Variants in RYR2 observed in about 807,000 individuals in gnomAD.
RYR2 encodes ryanodine receptor 2.
Under a neutral mutation model 601.1 loss-of-function variants are expected in RYR2, and 227 were observed. The observed-to-expected ratio is 0.38, with a 90% CI of 0.34 to 0.42. RYR2 has a LOEUF of 0.42. Among genes scored for constraint, RYR2 ranks in the 10% least tolerant of loss-of-function variants. RYR2 has a pLI of 1.00. For missense variants in RYR2, 4,646 were observed against 6,156.5 expected, an observed-to-expected ratio of 0.75 and a Z score of 8.21; for synonymous variants, 2,223 against 2,175.1, an observed-to-expected ratio of 1.02 and a Z score of -0.61.
At chr1:237,313,342 AT>A (rs1694766170) in intron 2 of RYR2, among the ~76,000 whole-genome samples, 1 of 152,026 alleles carries the variant, frequency 6.6e-6, no homozygotes, top group Non-Finnish European at 1.5e-5. Context: ...TTTTGGGGAG[AT>A]TTTCCTTGAT....
At position 237,791,434 on chromosome 1, in the gene RYR2, T is replaced by C. The variant is rs886046279; in HGVS notation, c.13482T>C (p.Tyr4494=). The change falls in exon 93 of 105, where the codon TAT becomes TAC. Residue 4494 remains tyrosine (Y), a synonymous_variant. Transcript: ENST00000366574. ...IIAYQQKLLN[Y]FARNFYNMRM... ...ATAATGTTTTTCACCCTCAGAACTA[T>C]TTTGCTCGCAACTTTTACAACATGA... The C allele has an allele frequency of 3.2e-6, 5 of 1,558,056 alleles. No individual in the cohort carries two copies. In the African/African-American group the frequency reaches 4.0e-5, roughly 13 times the overall value.
At chr1:237,101,245 T>C (rs768850904) in intron 1 of RYR2, among the ~76,000 whole-genome samples, 2 of 149,062 alleles carry the variant, frequency 1.3e-5, no homozygotes, top group Non-Finnish European at 3.0e-5. Flanking sequence ...GGCTCATCCT[T>C]GGATGCCAAC....
Position 237,705,288 on chromosome 1 carries a change from G to T in RYR2, c.9525G>T (p.Leu3175=). Reference sequence around the variant, plus strand: ...CTGTAGCATTTTTGGAAACTCATCTGGACAAACATAATATTTACTCCATCT... The same window carrying T: ...CTGTAGCATTTTTGGAAACTCATCTTGACAAACATAATATTTACTCCATCT... The part of the protein sequence containing the change: ...AFPVAFLETH[L]DKHNIYSIYN... Residue 3175 remains leucine (L), a synonymous_variant, in exon 67 of 105, where the codon CTG becomes CTT. Coordinates refer to ENST00000366574, the MANE Select transcript of RYR2 (RefSeq NM_001035.3). 2 of 1,604,338 alleles carry T rather than the reference G, an allele frequency of 1.2e-6. No individual in the cohort carries two copies. The highest frequency in any genetic ancestry group is 8.5e-7 in the Non-Finnish European group (1 of 1,174,372).
intron 34 of RYR2, among the ~76,000 whole-genome samples, chr1:237,597,381 A>C (rs990575124): frequency 1.3e-5 from 2 of 151,476 alleles, no homozygotes; most frequent in African/African-American, 4.9e-5. Flanking sequence ...TTCTGGGTTC[A>C]AGCAATTCTC....
chr1:237,493,267 G>A (rs1447288914), intron 19 of RYR2, among the ~76,000 whole-genome samples, 180 bp downstream of exon 19: 1 of 151,998 alleles, frequency 6.6e-6, no homozygotes, highest in African/African-American at 2.4e-5. Context: ...AATAATAAAT[G>A]AACCTAGCAA....
At chr1:237,533,430 C>T (rs570341717) in intron 25 of RYR2, among the ~76,000 whole-genome samples, 29 of 152,106 alleles carry the variant, frequency 1.9e-4, no homozygotes, top group African/African-American at 6.5e-4. Flanking sequence ...AGAGACAGTT[C>T]GCACCGACGA....
intron 1 of RYR2, among the ~76,000 whole-genome samples, chr1:237,090,685 G>C (rs1185814261): frequency 1.3e-5 from 2 of 152,222 alleles, no homozygotes; most frequent in African/African-American, 2.4e-5. Context: ...CATATACTTT[G>C]GGTGTCCTTG....
At chr1:237,785,887 G>T in intron 90 of RYR2, 82 bp from the exon 91 acceptor site, 2 of 972,214 alleles carry the variant, frequency 2.1e-6, no homozygotes, top group South Asian at 1.4e-5. Context: ...GTTATGGTTT[G>T]ACACATGGTC....
At chr1:237,421,662 A>G (rs972297864) in intron 11 of RYR2, among the ~76,000 whole-genome samples, 2 of 152,226 alleles carry the variant, frequency 1.3e-5, no homozygotes, top group African/African-American at 4.8e-5. Flanking sequence ...AACATTTTTA[A>G]TAAGTCTGTA....
At position 237,699,137 on chromosome 1, in the gene RYR2, A is replaced by G. The variant is rs10925497; in HGVS notation, c.9128+112A>G. 0.05 allele frequency: 27,140 copies of G among 543,930 alleles called. 3,719 individuals carry two copies. Among genetic ancestry groups the G allele is most frequent in the African/African-American group, 0.36 (18,345 of 51,548 alleles). 33.7% of individuals were successfully genotyped at this position (543,930 alleles called of 1,614,324 possible). A position where few individuals can be genotyped will look rare whatever the true frequency, so the allele number is the denominator to read the frequency against. On this transcript the variant is annotated intron_variant, in intron 64 of 104. Transcript: ENST00000366574. ...GGATTTTATTCTTTGGATTTGTAAT[A>G]AAGTCTTTAGTGTAGGTGAAAAGAA...
intron 1 of RYR2, among the ~76,000 whole-genome samples, chr1:237,164,046 G>T (rs1241489994): frequency 1.3e-5 from 2 of 152,218 alleles, no homozygotes; most frequent in African/African-American, 4.8e-5. Context: ...AGCACTTTGG[G>T]AGGCTGAGGC....
At position 237,687,472 on chromosome 1, in the gene RYR2, G is replaced by A; in HGVS notation, c.9035G>A (p.Gly3012Glu). The change falls in exon 63 of 105, where the codon GGA becomes GAA. Residue 3012 changes from glycine to glutamate, a missense_variant. Gly to Glu is a moderately conservative substitution (Grantham distance 98). Around this residue, in one of 17 missense-constraint regions of RYR2, gnomAD observed 1,497 missense variants for 1,842.6 expected, o/e 0.81. Transcript: ENST00000366574. The stretch of plus-strand genomic sequence containing the variant: ...GTCTTCAGCCTATTCTGCAAACTTG[G>A]AGTTCTTGTCAGGCATAGGATTTCA... ...EMVTSLFCKLGVLVRHRISLF... is the reference protein window; with the variant it reads ...EMVTSLFCKLEVLVRHRISLF... The A allele has an allele frequency of 6.3e-7, 1 of 1,594,716 alleles. No homozygotes were observed. Among genetic ancestry groups the A allele is most frequent in the Non-Finnish European group, 8.5e-7 (1 of 1,169,596 alleles).
At position 237,317,678 on chromosome 1, in the gene RYR2, C is replaced by G. The variant is rs574306613; in HGVS notation, c.169-13200C>G. On this transcript the variant is annotated intron_variant, in intron 2 of 104. Coordinates refer to ENST00000366574, the MANE Select transcript of RYR2 (RefSeq NM_001035.3). ...GGATGCCTTTCATTTTTTTCTCTCT[C>G]TCTCTCCTTCCCTTCCTTCCTTTCT... 6.5e-4 allele frequency among the ~76,000 whole-genome samples: 99 copies of G among 151,534 alleles called. No homozygotes were observed. The Middle Eastern group carries it at 0.01, about 16-fold the overall frequency.
chr1:237,693,241 T>A (rs557801926), intron 63 of RYR2, among the ~76,000 whole-genome samples: 1 of 151,326 alleles, frequency 6.6e-6, no homozygotes, highest in South Asian at 2.1e-4. Context: ...CCTTAAGAGG[T>A]CCATGAAAAC....
chr1:237,392,506 C>A (rs1179369225), intron 10 of RYR2, among the ~76,000 whole-genome samples: 1 of 152,070 alleles, frequency 6.6e-6, no homozygotes, highest in Non-Finnish European at 1.5e-5. Flanking sequence ...ATTCTGGAGG[C>A]TTGACATTTG....
At chr1:237,187,962 A>G (rs189678104) in intron 1 of RYR2, among the ~76,000 whole-genome samples, 102 of 152,304 alleles carry the variant, frequency 6.7e-4, no homozygotes, top group African/African-American at 2.4e-3. Flanking sequence ...GACATTGTGC[A>G]TACTTCTCAA....
rs138102477 is a variant in RYR2, at chr1:237,816,038, G to T, written c.14434-2998G>T. Among the ~76,000 whole-genome samples, 31 of 152,248 alleles carry T rather than the reference G, an allele frequency of 2.0e-4. 1 individual carries two copies. In the East Asian group the frequency reaches 6.0e-3, roughly 30 times the overall value. ...AGTTGCTGGGCAATCTTAGCCACTA[G>T]TGCTGTCACACGCAGTTCCTCAAAG... On this transcript the variant is annotated intron_variant, in intron 100 of 104. Coordinates refer to ENST00000366574, the MANE Select transcript of RYR2 (RefSeq NM_001035.3).
At chr1:237,631,865 T>A (rs1338937839) in intron 42 of RYR2, among the ~76,000 whole-genome samples, 2 of 65,816 alleles carry the variant, frequency 3.0e-5, no homozygotes, top group African/African-American at 9.9e-5. Context: ...CCTGACCTCG[T>A]GATCCGCCCG....
At chr1:237,101,318 A>AC (rs11450057) in intron 1 of RYR2, among the ~76,000 whole-genome samples, 53,098 of 143,972 alleles carry the variant, frequency 0.37, 10,491 homozygotes, top group East Asian at 0.77. Flanking sequence ...AAAAAAAAAA[A>AC]AAAAAACCTC....
Sources: gnomAD v4.1 joint callset for allele counts (sites outside exome capture counted in the v4.1 genomes callset) on GRCh38, gnomAD v4.1.1 for gene constraint, gnomAD v4.1.1 regional missense constraint, MANE v1.5 for transcripts, NCBI Gene and HGNC (gene_info 2026-07-23, HGNC 2026-07-21) for gene names.